DYM: variants seen among roughly 807,000 people sequenced by gnomAD.
DYM encodes the protein dymeclin.
In DYM, 78 loss-of-function variants were observed where a neutral mutation model predicts 93.1. That is an observed-to-expected ratio of 0.84 (90% confidence interval 0.70 to 1.01). The LOEUF (loss-of-function observed/expected upper bound fraction) is 1.01, where lower values mean the gene tolerates loss of function less well. Ranked by LOEUF, DYM falls within the 50% of genes least tolerant of loss-of-function variation. DYM has a pLI of 0.00. For synonymous variants in DYM, 321 were observed against 319.7 expected, an observed-to-expected ratio of 1.00 and a Z score of -0.04; for missense variants, 789 against 845.0, an observed-to-expected ratio of 0.93 and a Z score of 0.82.
intron 2 of DYM, among the ~76,000 whole-genome samples, chr18:49,418,612 C>T (rs11663904): frequency 0.17 from 25,388 of 152,126 alleles, 2,817 homozygotes; most frequent in Admixed American, 0.32. Context: ...CAGCAAACAT[C>T]GATTTTTGGC....
At chr18:49,393,367 C>A (rs2069632729) in intron 2 of DYM, among the ~76,000 whole-genome samples, 1 of 152,148 alleles carries the variant, frequency 6.6e-6, no homozygotes, top group Non-Finnish European at 1.5e-5. Flanking sequence ...GTGTCCATGG[C>A]AGCTCCACTA....
At chr18:49,449,352 G>A (rs970772190) in intron 1 of DYM, among the ~76,000 whole-genome samples, 4 of 152,094 alleles carry the variant, frequency 2.6e-5, no homozygotes, top group Admixed American at 1.3e-4. Context: ...GGCCTAAAAC[G>A]AAAAGAGAAA....
At chr18:49,392,681 T>TAAAAAAAAAA (rs869086187) in intron 2 of DYM, among the ~76,000 whole-genome samples, 28 of 68,502 alleles carry the variant, frequency 4.1e-4, no homozygotes, top group African/African-American at 1.7e-3. Flanking sequence ...GGCTTTTATT[T>TAAAAAAAAAA]AAAAAAAAAA....
At chr18:49,085,796 C>T (rs144926991) in intron 17 of DYM, among the ~76,000 whole-genome samples, 4 of 151,966 alleles carry the variant, frequency 2.6e-5, no homozygotes, top group Non-Finnish European at 4.4e-5. Context: ...TTAGTAGAGA[C>T]GGGGTTTCAC....
Position 49,456,607 on chromosome 18 carries a change from G to C in DYM, c.-54+3791C>G, listed in dbSNP as rs368171741. On this transcript the variant is annotated intron_variant, in intron 1 of 17. Transcript: ENST00000675505. ...CACTTTCATTGCCTGCATTTTTAAA[G>C]AATGTGATAAAAATCAGAGAAGATA... Among the ~76,000 whole-genome samples the C allele has an allele frequency of 2.6e-4, 39 of 152,202 alleles. 1 individual carries two copies. The South Asian group carries it at 7.9e-3, about 31-fold the overall frequency.
intron 13 of DYM, among the ~76,000 whole-genome samples, chr18:49,230,837 A>C (rs1240640562): frequency 6.6e-6 from 1 of 152,226 alleles, no homozygotes; most frequent in Admixed American, 6.5e-5. Context: ...AATTCTGCAG[A>C]GGGCAGAGAA....
chr18:49,111,139 G>A (rs1381558194), intron 16 of DYM, among the ~76,000 whole-genome samples: 1 of 151,946 alleles, frequency 6.6e-6, no homozygotes, highest in African/African-American at 2.4e-5. Flanking sequence ...GAACCAGGTA[G>A]TAAATATTTT....
At chr18:49,079,206 A>C (rs1455438852) in intron 17 of DYM, among the ~76,000 whole-genome samples, 3 of 152,170 alleles carry the variant, frequency 2.0e-5, no homozygotes, top group African/African-American at 4.8e-5. Flanking sequence ...GTTTCATGCA[A>C]AGAAAAAAAA....
At chr18:49,199,028 C>G (rs2091768971) in intron 14 of DYM, among the ~76,000 whole-genome samples, 1 of 152,164 alleles carries the variant, frequency 6.6e-6, no homozygotes, top group South Asian at 2.1e-4. Context: ...CACATATACA[C>G]CATGGAATAC....
chr18:49,148,741 C>T (rs1418497962), intron 15 of DYM, among the ~76,000 whole-genome samples: 1 of 152,110 alleles, frequency 6.6e-6, no homozygotes, highest in African/African-American at 2.4e-5. Context: ...TGATTATAAA[C>T]AAGATTCAGA....
At chr18:49,302,139 A>AT (rs1156799809) in intron 8 of DYM, among the ~76,000 whole-genome samples, 1 of 152,204 alleles carries the variant, frequency 6.6e-6, no homozygotes, top group Non-Finnish European at 1.5e-5. Flanking sequence ...TCTGTTAGCC[A>AT]TTTTTTGTGA....
chr18:49,160,576 CAAA>C (rs34811276), intron 15 of DYM, among the ~76,000 whole-genome samples: 4 of 135,574 alleles, frequency 3.0e-5, no homozygotes, highest in Admixed American at 7.3e-5. Context: ...GACTCTGTCT[CAAA>C]AAAAAAAAAA....
intron 1 of DYM, among the ~76,000 whole-genome samples, chr18:49,450,170 A>G (rs963961240): frequency 2.0e-5 from 3 of 152,198 alleles, no homozygotes; most frequent in Admixed American, 2.0e-4. Flanking sequence ...ACTAAATTCA[A>G]AAGGGTATTA....
intron 15 of DYM, among the ~76,000 whole-genome samples, chr18:49,154,498 A>C (rs1201371485): frequency 1.3e-5 from 2 of 152,022 alleles, no homozygotes; most frequent in African/African-American, 4.8e-5. Flanking sequence ...GGGTTCAAGC[A>C]GTTCTCCGGC....
chr18:49,234,575 G>C (rs535788523), intron 13 of DYM, among the ~76,000 whole-genome samples: 13 of 152,268 alleles, frequency 8.5e-5, no homozygotes, highest in Admixed American at 8.5e-4. Flanking sequence ...CTAGGGGATG[G>C]TTAGGGGATG....
At chr18:49,243,965 C>A (rs2094102978) in intron 13 of DYM, among the ~76,000 whole-genome samples, 1 of 152,136 alleles carries the variant, frequency 6.6e-6, no homozygotes, top group Non-Finnish European at 1.5e-5. Flanking sequence ...TCAATATAAT[C>A]TTCATGTTTG....
At chr18:49,277,662 C>G (rs2094878428) in intron 10 of DYM, among the ~76,000 whole-genome samples, 1 of 152,156 alleles carries the variant, frequency 6.6e-6, no homozygotes, top group Non-Finnish European at 1.5e-5. Flanking sequence ...GAGAACACAG[C>G]AAGTATATGA....
At chr18:49,322,498 G>GA (rs924071919) in intron 8 of DYM, among the ~76,000 whole-genome samples, 23 of 150,950 alleles carry the variant, frequency 1.5e-4, no homozygotes, top group East Asian at 7.7e-4. Flanking sequence ...AGAATCAAAT[G>GA]AAAAAAAATA....
chr18:49,232,274 T>C lies in DYM; in HGVS notation c.1461-22559A>G, dbSNP rs145176382. Among the ~76,000 whole-genome samples the C allele has an allele frequency of 6.9e-4, 105 of 152,228 alleles. No homozygotes were observed. In the Middle Eastern group the frequency reaches 0.01, roughly 15 times the overall value. Reference sequence around the variant, plus strand: ...CTGGCCATACGGAAATTCTACTTGATTGAAACAGAATTTCTTCTTTTTTGA... The same window carrying C: ...CTGGCCATACGGAAATTCTACTTGACTGAAACAGAATTTCTTCTTTTTTGA... On this transcript the variant is annotated intron_variant, in intron 13 of 17. Coordinates refer to ENST00000675505, the MANE Select transcript of DYM (RefSeq NM_001353214.3).
Sources: gnomAD v4.1 joint callset for allele counts (sites outside exome capture counted in the v4.1 genomes callset) on GRCh38, gnomAD v4.1.1 for gene constraint, MANE v1.5 for transcripts, NCBI Gene and HGNC (gene_info 2026-07-23, HGNC 2026-07-21) for gene names.